The following USP12 variants were observed in gnomAD, a reference collection of about 807,000 sequenced individuals.
USP12 encodes the protein ubiquitin carboxyl-terminal hydrolase 12.
In USP12, 19 loss-of-function variants were observed where a neutral mutation model predicts 45.5. The ratio of observed to expected loss-of-function variants is 0.42; its 90% CI spans 0.29 to 0.61. USP12 has a LOEUF of 0.61. Ranked by LOEUF, USP12 falls within the 20% of genes least tolerant of loss-of-function variation. USP12 has a pLI of 0.22. For synonymous variants in USP12, 149 were observed against 148.8 expected (o/e 1.00, Z -0.01); for missense variants, 242 against 447.7 (o/e 0.54, Z 4.15).
At chr13:27,122,251 C>A (rs114002009) in intron 1 of USP12, among the ~76,000 whole-genome samples, 1 of 152,132 alleles carries the variant, frequency 6.6e-6, no homozygotes, top group Non-Finnish European at 1.5e-5. Flanking sequence ...GGTGGTTCCC[C>A]CATACTGTTC....
chr13:27,170,093 C>A (rs537187171), intron 1 of USP12: 2 of 383,796 alleles, frequency 5.2e-6, no homozygotes, highest in South Asian at 1.5e-4. Context: ...CCAAACAATT[C>A]TCCAAAATCA....
At chr13:27,141,049 C>CTCTG (rs1197845425) in intron 1 of USP12, among the ~76,000 whole-genome samples, 1 of 123,706 alleles carries the variant, frequency 8.1e-6, no homozygotes, top group African/African-American at 3.0e-5. Flanking sequence ...TGGAGTCTTG[C>CTCTG]TCTGTCACCA....
In USP12 at chr13:27,171,431, G is replaced by A. The variant is rs866636653; in HGVS notation, c.48+161C>T. ...GCTCACCCCCGCGCTCCCCGCCTGCGCGCCGTCCAACCGCCCCCGCCCGGG... is the reference window on the plus strand; with the variant it reads ...GCTCACCCCCGCGCTCCCCGCCTGCACGCCGTCCAACCGCCCCCGCCCGGG... On this transcript the variant is annotated intron_variant, in intron 1 of 8. Transcript: ENST00000282344. Among the ~76,000 whole-genome samples, 811 of 142,656 alleles carry A rather than the reference G, an allele frequency of 5.7e-3. 5 individuals carry two copies. The highest frequency in any genetic ancestry group is 0.02 in the African/African-American group (775 of 39,444). 93.6% of individuals were successfully genotyped at this position (142,656 alleles called of 152,430 possible). A position where few individuals can be genotyped will look rare whatever the true frequency, so the allele number is the denominator to read the frequency against.
intron 1 of USP12, chr13:27,117,774 C>T (rs776522467): frequency 9.6e-6 from 5 of 518,232 alleles, no homozygotes; most frequent in South Asian, 7.0e-5. Flanking sequence ...CTCGCACAGA[C>T]AATCATAGCG....
chr13:27,140,337 G>C (rs553605839), intron 1 of USP12, among the ~76,000 whole-genome samples: 1 of 152,266 alleles, frequency 6.6e-6, no homozygotes, highest in Admixed American at 6.5e-5. Context: ...ACTCATTGAA[G>C]TTTACATTTA....
At chr13:27,104,076 C>G (rs1875012866) in intron 3 of USP12, among the ~76,000 whole-genome samples, 1 of 152,054 alleles carries the variant, frequency 6.6e-6, no homozygotes, top group Admixed American at 6.6e-5. Context: ...CTCTGTTACC[C>G]AAGCTGGAGA....
At chr13:27,076,796 C>G (rs1421678427) in intron 6 of USP12, among the ~76,000 whole-genome samples, 1 of 152,136 alleles carries the variant, frequency 6.6e-6, no homozygotes, top group Non-Finnish European at 1.5e-5. Flanking sequence ...TTCTACACTT[C>G]TTAAATATGG....
At chr13:27,111,194 C>G (rs971498478) in intron 2 of USP12, among the ~76,000 whole-genome samples, 1 of 152,174 alleles carries the variant, frequency 6.6e-6, no homozygotes, top group East Asian at 1.9e-4. Flanking sequence ...GAAAATACTA[C>G]TCTTTCTCCA....
At chr13:27,162,890 G>A (rs1878172574) in intron 1 of USP12, 1 of 152,034 alleles carries the variant, frequency 6.6e-6, no homozygotes, top group Admixed American at 6.6e-5. Context: ...AATGTCTGCT[G>A]CTACGGAAGC....
At chr13:27,119,339 C>CG (rs1875880786) in intron 1 of USP12, among the ~76,000 whole-genome samples, 1 of 152,192 alleles carries the variant, frequency 6.6e-6, no homozygotes, top group Non-Finnish European at 1.5e-5. Flanking sequence ...CTCCCCCACA[C>CG]GGCCTAACAA....
chr13:27,072,998 TG>T (rs1308333809), intron 7 of USP12, among the ~76,000 whole-genome samples: 1 of 152,214 alleles, frequency 6.6e-6, no homozygotes, highest in Admixed American at 6.5e-5. Flanking sequence ...AAAAAGCACC[TG>T]TTCTCATAAG....
intron 6 of USP12, among the ~76,000 whole-genome samples, chr13:27,086,758 A>C (rs1462215269): frequency 6.6e-6 from 1 of 151,980 alleles, no homozygotes; most frequent in Admixed American, 6.6e-5. Flanking sequence ...TTAGTCCCTG[A>C]CTCTTACTTA....
At chr13:27,077,884 G>A (rs1348994703) in intron 6 of USP12, 1 of 151,796 alleles carries the variant, frequency 6.6e-6, no homozygotes, top group Non-Finnish European at 1.5e-5. Context: ...ACATTAGGGA[G>A]GTCTTGATCA....
Position 27,128,443 on chromosome 13 carries a change from T to C in USP12, c.49-11847A>G, listed in dbSNP as rs59527642. 5.3e-3 allele frequency among the ~76,000 whole-genome samples: 809 copies of C among 152,208 alleles called. 4 individuals are homozygous for C. The highest frequency in any genetic ancestry group is 0.019 in the African/African-American group (778 of 41,540). On this transcript the variant is annotated intron_variant, in intron 1 of 8. Transcript: ENST00000282344. ...CTACTTTCCTAACAATACAAAAAAC[T>C]TTCAAAAAATTAATAAAATACTCTC...
chr13:27,147,750 G>A (rs533785349), intron 1 of USP12, among the ~76,000 whole-genome samples: 7 of 151,752 alleles, frequency 4.6e-5, no homozygotes, highest in African/African-American at 1.2e-4. Flanking sequence ...TATTCAAAGC[G>A]CTCAAAGAAA....
intron 1 of USP12, among the ~76,000 whole-genome samples, chr13:27,127,897 T>G (rs990475033): frequency 7.9e-5 from 12 of 152,216 alleles, no homozygotes; most frequent in Non-Finnish European, 1.5e-4. Flanking sequence ...ATATTATAAT[T>G]CACTGCTAAA....
chr13:27,079,034 A>G (rs905437017), intron 6 of USP12, among the ~76,000 whole-genome samples: 1 of 152,064 alleles, frequency 6.6e-6, no homozygotes, highest in East Asian at 1.9e-4. Flanking sequence ...ATGGAAACTA[A>G]GCAACACATT....
chr13:27,170,780 AAGTAAACAAATGAC>A (rs1425231716), intron 1 of USP12, among the ~76,000 whole-genome samples: 1 of 152,242 alleles, frequency 6.6e-6, no homozygotes, highest in African/African-American at 2.4e-5. Flanking sequence ...TGGTGGGCTG[AAGTAAACAAATGAC>A]AGGAAAGCTA....
At chr13:27,162,285 T>TCA (rs1271001706) in intron 1 of USP12, among the ~76,000 whole-genome samples, 4 of 152,042 alleles carry the variant, frequency 2.6e-5, no homozygotes, top group East Asian at 1.9e-4. Flanking sequence ...GGACTCAAAG[T>TCA]CACACACACA....
Sources: allele counts gnomAD v4.1 joint callset (sites outside exome capture counted in the v4.1 genomes callset), GRCh38; gene constraint gnomAD v4.1.1; transcripts MANE v1.5; gene names NCBI Gene and HGNC (gene_info 2026-07-23, HGNC 2026-07-21).